The following CDKN2A variants were observed in gnomAD, a reference collection of about 807,000 sequenced individuals.
The protein encoded by CDKN2A is cyclin dependent kinase inhibitor 2A.
Under a neutral mutation model 11.1 loss-of-function variants are expected in CDKN2A, and 3 were observed. The observed-to-expected ratio is 0.27, with a 90% CI of 0.12 to 0.70. CDKN2A has a LOEUF of 0.70. Ranked by LOEUF, CDKN2A falls within the 30% of genes least tolerant of loss-of-function variation. The pLI, the probability that CDKN2A is intolerant of heterozygous loss-of-function variation, is 0.77. For synonymous variants in CDKN2A, 122 were observed against 108.1 expected (o/e 1.13, Z -0.80); for missense variants, 265 against 233.6 (o/e 1.13, Z -0.88).
intron 2 of CDKN2A, among the ~76,000 whole-genome samples, chr9:21,986,344 A>C (rs924270422): frequency 2.6e-5 from 4 of 152,050 alleles, no homozygotes; most frequent in Non-Finnish European, 4.4e-5. Context: ...TTGGTCAAAA[A>C]ATAAATTTTT....
At chr9:21,981,637 T>A (rs1820200365) in intron 2 of CDKN2A, among the ~76,000 whole-genome samples, 1 of 147,466 alleles carries the variant, frequency 6.8e-6, no homozygotes, top group African/African-American at 2.4e-5. Context: ...ATGACTTTTT[T>A]TTTTTTTTAC....
chr9:21,980,646 A>C (rs1820149714), intron 2 of CDKN2A, among the ~76,000 whole-genome samples: 1 of 152,062 alleles, frequency 6.6e-6, no homozygotes, highest in Non-Finnish European at 1.5e-5. Context: ...AAGAGCATGT[A>C]TTGGTAACAA....
intron 2 of CDKN2A, among the ~76,000 whole-genome samples, chr9:21,987,875 T>A (rs10757262): frequency 0.87 from 131,825 of 152,216 alleles, 57,143 homozygotes; most frequent in East Asian, 0.98. Context: ...GCCACTTGTA[T>A]TAGTATCTCC....
At position 21,994,337 on chromosome 9, in the gene CDKN2A, C is replaced by A; in HGVS notation, c.-175-284G>T. 3 of 1,606,174 alleles carry A rather than the reference C, an allele frequency of 1.9e-6. No individual in the cohort carries two copies. Among genetic ancestry groups the A allele is most frequent in the Admixed American group, 1.7e-5 (1 of 59,486 alleles). ...ACCAAGAACCTGCGCACCATGTTCT[C>A]GCCGCCTCCAGGGCCGAGCTCGGCA... On this transcript the variant is annotated intron_variant, in intron 1 of 3. Transcript: ENST00000494262.
chr9:21,970,767 C>A (rs1587329960), intron 2 of CDKN2A, 135 bp downstream of exon 2: 5 of 1,104,458 alleles, frequency 4.5e-6, no homozygotes, highest in African/African-American at 3.1e-5. Flanking sequence ...AGACTCAGGC[C>A]GTCCCACCGA....
chr9:21,992,794 C>T (rs571727141), intron 2 of CDKN2A, among the ~76,000 whole-genome samples: 10 of 151,704 alleles, frequency 6.6e-5, no homozygotes, highest in African/African-American at 2.2e-4. Context: ...ATACAGTTAC[C>T]GGTCACAGTG....
chr9:21,971,059 G>A lies in CDKN2A; in HGVS notation c.300C>T (p.Ala100=), dbSNP rs876660818. Residue 100 remains alanine (A), a synonymous_variant, in exon 2 of 3, where the codon GCC becomes GCT. Coordinates refer to ENST00000304494, the MANE Select transcript of CDKN2A (RefSeq NM_000077.5). ...FLDTLVVLHR[A]GARLDVRDAW... is the part of the protein sequence containing the mutation. ...CATCGCGCACGTCCAGCCGCGCCCC[G>A]GCCCGGTGCAGCACCACCAGCGTGT... 4.4e-6 allele frequency: 7 copies of A among 1,605,292 alleles called. No homozygotes were observed. Among genetic ancestry groups the A allele is most frequent in the Non-Finnish European group, 5.1e-6 (6 of 1,179,370 alleles).
Position 21,974,746 on chromosome 9 carries a change from C to T in CDKN2A, c.82G>A (p.Val28Met), listed in dbSNP as rs876658895. 6.2e-7 allele frequency: 1 copy of T among 1,611,728 alleles called. No individual in the cohort carries two copies. Among genetic ancestry groups the T allele is most frequent in the Non-Finnish European group, 8.5e-7 (1 of 1,179,690 alleles). ...GCCCCCGCCTCCAGCAGCGCCCGCA[C>T]CTCCTCTACCCGACCCCGGGCCGCG... is the stretch of plus-strand genomic sequence containing the variant. ...TAAARGRVEE[V>M]RALLEAGALP... The change falls in exon 1 of 3, where the codon GTG becomes ATG. Residue 28 changes from valine (V) to methionine (M), a missense_variant. Physicochemically the swap from Val to Met is conservative, Grantham distance 21 (BLOSUM62 1). Coordinates refer to ENST00000304494, the MANE Select transcript of CDKN2A (RefSeq NM_000077.5). This position sits in a 1 kb window ranked among gnomAD's most constrained non-coding sequence, Gnocchi z 5.2.
At chr9:21,971,766 C>T (rs184728299) in intron 1 of CDKN2A, among the ~76,000 whole-genome samples, 3 of 151,894 alleles carry the variant, frequency 2.0e-5, no homozygotes, top group Non-Finnish European at 4.4e-5. Context: ...TGGGATAGTA[C>T]AGTTGTATAT....
upstream of CDKN2A, among the ~76,000 whole-genome samples, chr9:21,976,672 C>A (rs1034219153): frequency 6.6e-6 from 1 of 151,940 alleles, no homozygotes; most frequent in African/African-American, 2.4e-5. Flanking sequence ...GAGCCGAGAT[C>A]GCGCCATTGC....
At chr9:21,980,863 G>C (rs1820155894) in intron 2 of CDKN2A, among the ~76,000 whole-genome samples, 1 of 148,854 alleles carries the variant, frequency 6.7e-6, no homozygotes, top group African/African-American at 2.5e-5. Flanking sequence ...GGAGGCTGAG[G>C]AAGGAGAATG....
Position 21,970,922 on chromosome 9 carries a change from T to A in CDKN2A, c.437A>T (p.Asp146Val), listed in dbSNP as rs1819681703. 1 of 1,612,314 alleles carries A rather than the reference T, an allele frequency of 6.2e-7. No homozygotes were observed. Among genetic ancestry groups the A allele is most frequent in the African/African-American group, 1.3e-5 (1 of 74,930 alleles). The change falls in exon 2 of 3, where the codon GAT becomes GTT. Residue 146 changes from aspartate (D) to valine (V), a missense_variant. Physicochemically the swap from Asp to Val is radical, Grantham distance 152. Coordinates refer to ENST00000304494, the MANE Select transcript of CDKN2A (RefSeq NM_000077.5). ...GTRGSNHARI[D>V]AAEGPSDIPD Reference sequence around the variant, plus strand: ...CTCACCTGAGGGACCTTCCGCGGCATCTATGCGGGCATGGTTACTGCCTCT... The same window carrying A: ...CTCACCTGAGGGACCTTCCGCGGCAACTATGCGGGCATGGTTACTGCCTCT...
chr9:21,970,313 G>T, intron 2 of CDKN2A: 1 of 243,038 alleles, frequency 4.1e-6, no homozygotes, highest in East Asian at 6.0e-5. Flanking sequence ...GCCAGGGTCA[G>T]CGAAGTCTTG....
chr9:21,974,131 T>TC lies in CDKN2A; in HGVS notation c.150+546dup, dbSNP rs1332744204. Among the ~76,000 whole-genome samples the TC allele has an allele frequency of 3.9e-5, 6 of 152,090 alleles. No individual in the cohort carries two copies. The highest frequency in any genetic ancestry group is 1.2e-4 in the African/African-American group (5 of 41,388). On this transcript the variant is annotated intron_variant, in intron 1 of 2. Transcript: ENST00000304494. This position sits in a 1 kb window ranked among gnomAD's most constrained non-coding sequence, Gnocchi z 5.2. ...TCTCGAACTCCCGACCTCAGGTGAT[T>TC]CCCCCCGCCTTGATCTCCCAAAGTG...
chr9:21,970,148 G>C (rs572138488), intron 2 of CDKN2A: 29 of 252,542 alleles, frequency 1.1e-4, no homozygotes, highest in Non-Finnish European at 1.9e-4. Flanking sequence ...TGTGGGAGTA[G>C]GGAACTGGGG....
In CDKN2A at chr9:21,968,204, G is replaced by A. The variant is rs1819502378; in HGVS notation, c.*25C>T. ...TGACTGATGATCTAAGTTTCCCGAGGTTTCTCAGAGCCTCTCTGGTTCTTT... is the reference window on the plus strand; with the variant it reads ...TGACTGATGATCTAAGTTTCCCGAGATTTCTCAGAGCCTCTCTGGTTCTTT... On this transcript the variant is annotated 3_prime_UTR_variant, in exon 3 of 3. Coordinates refer to ENST00000304494, the MANE Select transcript of CDKN2A (RefSeq NM_000077.5). The surrounding 1 kb of genome is among the most constrained non-coding windows in gnomAD (Gnocchi z 4.7). 1.9e-6 allele frequency: 3 copies of A among 1,612,420 alleles called. No homozygotes were observed. Among genetic ancestry groups the A allele is most frequent in the Non-Finnish European group, 2.5e-6 (3 of 1,178,566 alleles).
chr9:21,983,294 C>T (rs1004466776), intron 2 of CDKN2A, among the ~76,000 whole-genome samples: 2 of 151,894 alleles, frequency 1.3e-5, no homozygotes, highest in African/African-American at 4.8e-5. Flanking sequence ...GAAAAACTAC[C>T]CCACACAAAG....
chr9:21,978,351 A>G (rs1364522336), upstream of CDKN2A, among the ~76,000 whole-genome samples: 7 of 152,132 alleles, frequency 4.6e-5, no homozygotes, highest in Admixed American at 4.6e-4. Context: ...AGAGCCCATT[A>G]TACTCCCAGT....
intron 2 of CDKN2A, chr9:21,969,743 T>A (rs1819606059): frequency 5.1e-6 from 2 of 389,574 alleles, no homozygotes; most frequent in African/African-American, 4.2e-5. Context: ...TAGCTGTAAC[T>A]GGAGCCGAAG....
Sources: gnomAD v4.1 joint callset for allele counts (sites outside exome capture counted in the v4.1 genomes callset) on GRCh38, gnomAD v4.1.1 for gene constraint, Gnocchi (gnomAD v3.1) non-coding constraint, MANE v1.5 for transcripts, NCBI Gene and HGNC (gene_info 2026-07-23, HGNC 2026-07-21) for gene names.